The following AHNAK variants were observed in gnomAD, a reference collection of about 807,000 sequenced individuals.
The protein encoded by AHNAK is AHNAK nucleoprotein.
A neutral mutation model predicts 37.8 loss-of-function variants in AHNAK; 23 were observed. The ratio of observed to expected loss-of-function variants is 0.61; its 90% CI spans 0.44 to 0.86. The LOEUF is 0.86. Among genes scored for constraint, AHNAK ranks in the 40% least tolerant of loss-of-function variants. The probability of loss-of-function intolerance (pLI) is 0.00; values close to 1 mark genes in which losing one functional copy is unlikely to be tolerated. For missense variants in AHNAK, 7,411 were observed against 7,319.4 expected, an observed-to-expected ratio of 1.01 and a Z score of -0.46; for synonymous variants, 2,481 against 2,636.3, an observed-to-expected ratio of 0.94 and a Z score of 1.80.
In AHNAK at chr11:62,519,369, G is replaced by C. The variant is rs147547210; in HGVS notation, c.15048C>G (p.Gly5016=). 41 of 1,613,834 alleles carry C rather than the reference G, an allele frequency of 2.5e-5. No homozygotes were observed. The highest frequency in any genetic ancestry group is 3.5e-5 in the Non-Finnish European group (41 of 1,179,980). ...NLETPEISVG[G]KGKKSKFKMP... is the part of the protein sequence containing the mutation. ...TTTTAAACTTACTTTTCTTGCCCTT[G>C]CCACCAACACTAATTTCAGGAGTCT... Residue 5016 remains glycine, a synonymous_variant, in exon 5 of 5, where the codon GGC becomes GGG. Transcript: ENST00000378024.
chr11:62,527,431 T>A lies in AHNAK; in HGVS notation c.6986A>T (p.Asp2329Val), dbSNP rs1414460659. Residue 2329 changes from aspartate to valine, a missense_variant, in exon 5 of 5, where the codon GAT (aspartate) becomes GTT (valine). Asp to Val is a radical substitution (Grantham distance 152, BLOSUM62 -3). Transcript: ENST00000378024. ...FNLKGPKIKG[D>V]VDVSAPKLEG... is the part of the protein sequence containing the mutation. ...CAGCTTTGGGGCAGAAACATCAACA[T>A]CTCCTTTGATTTTGGGTCCCTTTAA... The A allele has an allele frequency of 1.9e-6, 3 of 1,614,096 alleles. No homozygotes were observed.
chr11:62,450,877 C>T (rs79370409), intron 5 of AHNAK, among the ~76,000 whole-genome samples: 4,094 of 152,290 alleles, frequency 0.027, 102 homozygotes, highest in South Asian at 0.037. Flanking sequence ...ACATTTTTAA[C>T]GAGCAGAGAA....
At chr11:62,437,845 A>G (rs80069915) in intron 5 of AHNAK, among the ~76,000 whole-genome samples, 3,143 of 152,190 alleles carry the variant, frequency 0.021, 50 homozygotes, top group South Asian at 0.036. Context: ...CAGTCTTTTC[A>G]TTTTAGCTAT....
In AHNAK at chr11:62,505,682, A is replaced by G. The variant is rs115114195; in HGVS notation, c.343-13851T>C. The stretch of plus-strand genomic sequence containing the variant: ...TCAACGCTCCCTGCCGCTCATTGCA[A>G]GCCGCCGCCCTTCCCTCCCCCTCGA... On this transcript the variant is annotated intron_variant, in intron 4 of 5. Transcript: ENST00000257247. Among the ~76,000 whole-genome samples, 664 of 151,440 alleles carry G rather than the reference A, an allele frequency of 4.4e-3. 1 individual carries two copies. Among genetic ancestry groups the G allele is most frequent in the African/African-American group, 0.015 (633 of 41,254 alleles).
At chr11:62,536,955 A>T (rs1034812789) in intron 1 of AHNAK, among the ~76,000 whole-genome samples, 23 of 148,534 alleles carry the variant, frequency 1.5e-4, no homozygotes, top group African/African-American at 3.8e-4. Flanking sequence ...TATTTATTTT[A>T]TTTATTTTTT....
chr11:62,461,977 A>C (rs1326076924), intron 5 of AHNAK, among the ~76,000 whole-genome samples: 1 of 152,224 alleles, frequency 6.6e-6, no homozygotes, highest in East Asian at 1.9e-4. Context: ...TATAGGGAAG[A>C]ATTTCCTGAA....
chr11:62,441,339 C>T (rs181075890), intron 5 of AHNAK, among the ~76,000 whole-genome samples: 69 of 151,772 alleles, frequency 4.5e-4, no homozygotes, highest in African/African-American at 1.5e-3. Flanking sequence ...GGCATGGTAC[C>T]GTGTACACCT....
In AHNAK at chr11:62,517,647, A is replaced by G. The variant is rs761401129; in HGVS notation, c.16770T>C (p.Val5590=). The part of the protein sequence containing the change: ...DISLGEGHLS[V]KGSGGEWKGP... ...CCTTCCACTCACCCCCGGAACCTTT[A>G]ACACTCAAATGCCCTTCACCAAGGC... Residue 5590 remains valine (V), a synonymous_variant, in exon 5 of 5, where the codon GTT becomes GTC. Transcript: ENST00000378024. 1.9e-6 allele frequency: 3 copies of G among 1,614,114 alleles called. No homozygotes were observed. The highest frequency in any genetic ancestry group is 8.5e-7 in the Non-Finnish European group (1 of 1,180,024).
At chr11:62,461,698 G>A (rs1938792792) in intron 5 of AHNAK, among the ~76,000 whole-genome samples, 1 of 152,092 alleles carries the variant, frequency 6.6e-6, no homozygotes, top group South Asian at 2.1e-4. Context: ...GGTGGTGTAT[G>A]CCTGTAATCC....
chr11:62,433,850 C>G (rs758060661), exon 6 of AHNAK: 5 of 1,613,824 alleles, frequency 3.1e-6, no homozygotes, highest in Non-Finnish European at 4.2e-6. Context: ...ACAAAAACAA[C>G]CTTAAGAGGG....
intron 5 of AHNAK, among the ~76,000 whole-genome samples, chr11:62,478,825 TA>T (rs1163198092): frequency 2.0e-5 from 3 of 151,242 alleles, no homozygotes; most frequent in Non-Finnish European, 4.4e-5. Context: ...AATACACCAT[TA>T]AAAAAATCCC....
intron 5 of AHNAK, among the ~76,000 whole-genome samples, chr11:62,434,570 C>T (rs997255765): frequency 7.2e-5 from 11 of 152,160 alleles, no homozygotes; most frequent in African/African-American, 2.7e-4. Flanking sequence ...CTGCATGCCC[C>T]AGGCTTCATC....
Position 62,516,789 on chromosome 11 carries a change from G to T in AHNAK, c.17628C>A (p.Ile5876=), listed in dbSNP as rs543349682. 6.2e-7 allele frequency: 1 copy of T among 1,613,338 alleles called. No individual in the cohort carries two copies. The highest frequency in any genetic ancestry group is 1.3e-5 in the African/African-American group (1 of 74,984). The change falls in exon 5 of 5, where the codon ATC becomes ATA. Residue 5876 remains isoleucine, a synonymous_variant. Coordinates refer to ENST00000378024, the MANE Select transcript of AHNAK (RefSeq NM_001620.3). The part of the protein sequence containing the change: ...SSNDSGNKVG[I]QLPEVELSVS... ...CTGACAGCTCCACCTCGGGAAGCTG[G>T]ATGCCAACCTTATTCCCACTGTCAT...
Position 62,529,587 on chromosome 11 carries a change from A to G in AHNAK, c.4830T>C (p.Gly1610=), listed in dbSNP as rs114852441. Residue 1610 remains glycine (G), a synonymous_variant, in exon 5 of 5, where the codon GGT becomes GGC. Transcript: ENST00000378024. ...TAGGGGCTTTCACATCAATTTCAGG[A>G]CCCTTCAAGTCTCCTTCCACTTTGG... The part of the protein sequence containing the change: ...SLPKVEGDLK[G]PEIDVKAPKM... 6.2e-7 allele frequency: 1 copy of G among 1,613,910 alleles called. No individual in the cohort carries two copies. The highest frequency in any genetic ancestry group is 2.2e-5 in the East Asian group (1 of 44,880).
intron 4 of AHNAK, among the ~76,000 whole-genome samples, chr11:62,496,152 G>A (rs1288767903): frequency 3.3e-5 from 5 of 152,012 alleles, no homozygotes; most frequent in African/African-American, 1.2e-4. Context: ...TAGGAAACGA[G>A]TTCAGTTACT....
At chr11:62,542,542 C>G (rs1303434493) in intron 1 of AHNAK, among the ~76,000 whole-genome samples, 1 of 152,050 alleles carries the variant, frequency 6.6e-6, no homozygotes, top group African/African-American at 2.4e-5. Flanking sequence ...TGCTGTGACG[C>G]CTTTCTCCAT....
At chr11:62,512,153 T>C (rs1043451747), downstream of AHNAK, among the ~76,000 whole-genome samples, 2 of 152,146 alleles carry the variant, frequency 1.3e-5, no homozygotes, top group Non-Finnish European at 2.9e-5. This position sits in a 1 kb window ranked among gnomAD's most constrained non-coding sequence, Gnocchi z 4.0. Context: ...GGCCTTGTCC[T>C]GGTTATTCTC....
In AHNAK at chr11:62,521,648, T is replaced by A; in HGVS notation, c.12769A>T (p.Ile4257Phe). 2 of 1,613,740 alleles carry A rather than the reference T, an allele frequency of 1.2e-6. No homozygotes were observed. The highest frequency in any genetic ancestry group is 1.7e-6 in the Non-Finnish European group (2 of 1,179,960). The change falls in exon 5 of 5, where the codon ATC becomes TTC. Residue 4257 changes from isoleucine (I) to phenylalanine (F), a missense_variant. Ile to Phe is a conservative substitution (Grantham distance 21). Coordinates refer to ENST00000378024, the MANE Select transcript of AHNAK (RefSeq NM_001620.3). ...MPEMNIKAPK[I>F]SMPDFDLHLK... ...TGCAAATCAAAGTCAGGCATGGAGA[T>A]CTTGGGGGCTTTGATGTTCATCTCA...
chr11:62,532,793 C>A lies in AHNAK; in HGVS notation c.1624G>T (p.Asp542Tyr). Residue 542 changes from aspartate to tyrosine, a missense_variant, in exon 5 of 5, where the codon GAC becomes TAC. By Grantham distance (160) the Asp-to-Tyr change is radical. Coordinates refer to ENST00000378024, the MANE Select transcript of AHNAK (RefSeq NM_001620.3). Reference protein sequence around the residue: ...PQVALKGSRVDIETPNLEGTL... With the variant: ...PQVALKGSRVYIETPNLEGTL... Reference sequence around the variant, plus strand: ...CCCTCTAGGTTTGGTGTCTCTATGTCCACTCTGGAGCCTTTAAGTGCCACT... The same window carrying A: ...CCCTCTAGGTTTGGTGTCTCTATGTACACTCTGGAGCCTTTAAGTGCCACT... 2 of 1,614,082 alleles carry A rather than the reference C, an allele frequency of 1.2e-6. No individual in the cohort carries two copies. Among genetic ancestry groups the A allele is most frequent in the Non-Finnish European group, 1.7e-6 (2 of 1,179,992 alleles).
Sources: gnomAD v4.1 joint callset for allele counts (sites outside exome capture counted in the v4.1 genomes callset) on GRCh38, gnomAD v4.1.1 for gene constraint, Gnocchi (gnomAD v3.1) non-coding constraint, MANE v1.5 for transcripts, NCBI Gene and HGNC (gene_info 2026-07-23, HGNC 2026-07-21) for gene names.